GAS7: variants seen among roughly 807,000 people sequenced by gnomAD.
GAS7 encodes the protein growth arrest-specific protein 7.
GAS7 carries 28 observed loss-of-function variants against 71.1 expected under a neutral mutation model. The ratio of observed to expected loss-of-function variants is 0.39; its 90% CI spans 0.29 to 0.54. GAS7 has a LOEUF of 0.54. Ranked by LOEUF, GAS7 falls within the 20% of genes least tolerant of loss-of-function variation. The pLI is 0.62. For synonymous variants in GAS7, 258 were observed against 245.8 expected (o/e 1.05, Z -0.46); for missense variants, 436 against 627.8 (o/e 0.69, Z 3.27).
Position 9,971,522 on chromosome 17 carries a change from A to G in GAS7, c.386-1760T>C, listed in dbSNP as rs183306857. ...GGAGGCTGCAGTGAACTGTGATTGT[A>G]CCACTACACTCCAGCCCACACTTCA... On this transcript the variant is annotated intron_variant, in intron 3 of 13. Coordinates refer to ENST00000432992, the MANE Select transcript of GAS7 (RefSeq NM_201433.2). 1.2e-4 allele frequency among the ~76,000 whole-genome samples: 19 copies of G among 152,132 alleles called. No individual in the cohort carries two copies. The East Asian group carries it at 1.7e-3, about 14-fold the overall frequency.
intron 1 of GAS7, among the ~76,000 whole-genome samples, chr17:10,142,842 C>T (rs146523223): frequency 1.3e-5 from 2 of 152,228 alleles, no homozygotes; most frequent in African/African-American, 2.4e-5. Context: ...GGGGTTCAGA[C>T]ATCAGTAACA....
chr17:9,957,661 T>C (rs374350886), intron 5 of GAS7, among the ~76,000 whole-genome samples: 23 of 149,964 alleles, frequency 1.5e-4, no homozygotes, highest in African/African-American at 5.4e-4. Flanking sequence ...CTGGGGCATT[T>C]TGTGACAATT....
intron 9 of GAS7, among the ~76,000 whole-genome samples, chr17:9,928,018 TC>T (rs2068072514): frequency 6.6e-6 from 1 of 152,114 alleles, no homozygotes; most frequent in African/African-American, 2.4e-5. Context: ...TCTCTTTTAT[TC>T]CTTCCCTCTT....
intron 1 of GAS7, among the ~76,000 whole-genome samples, chr17:10,116,289 A>AG (rs1182158299): frequency 3.4e-5 from 5 of 149,124 alleles, no homozygotes; most frequent in Non-Finnish European, 5.9e-5. Context: ...ACTCCAGCCT[A>AG]GGGGACAGAG....
chr17:10,119,516 T>C (rs2073888723), intron 1 of GAS7, among the ~76,000 whole-genome samples: 1 of 152,224 alleles, frequency 6.6e-6, no homozygotes, highest in South Asian at 2.1e-4. Flanking sequence ...CTAAACAAGC[T>C]GGGGGATGCT....
intron 1 of GAS7, 75 bp downstream of exon 1, chr17:10,198,133 G>A: frequency 1.4e-6 from 2 of 1,440,928 alleles, no homozygotes; most frequent in South Asian, 1.2e-5. Context: ...CGGCATCCCC[G>A]GAACGGGCAA....
At position 10,191,298 on chromosome 17, in the gene GAS7, G is replaced by A. The variant is rs567298853; in HGVS notation, c.183+6910C>T. On this transcript the variant is annotated intron_variant, in intron 1 of 13. Transcript: ENST00000432992. ...AGAAGGCAGTGAAGAGGCTGGGCAC[G>A]GTGGCTCATGCCTGTAATCTCAGCA... Among the ~76,000 whole-genome samples the A allele has an allele frequency of 3.3e-4, 50 of 152,256 alleles. 2 individuals are homozygous for A. In the South Asian group the frequency reaches 8.9e-3, roughly 27 times the overall value.
At chr17:9,933,946 T>C (rs1218333015) in intron 9 of GAS7, among the ~76,000 whole-genome samples, 1 of 148,794 alleles carries the variant, frequency 6.7e-6, no homozygotes, top group Non-Finnish European at 1.5e-5. Context: ...TGGATATTGA[T>C]GGTTATTTGT....
At chr17:10,036,389 G>A in intron 1 of GAS7, 6 of 1,472,410 alleles carry the variant, frequency 4.1e-6, no homozygotes, top group Non-Finnish European at 5.7e-6. Flanking sequence ...GCAGAGAAAA[G>A]CAAACTGGAG....
chr17:9,946,504 G>C (rs79993553), intron 6 of GAS7, among the ~76,000 whole-genome samples: 2,537 of 152,278 alleles, frequency 0.017, 78 homozygotes, highest in African/African-American at 0.058. Flanking sequence ...ATTCTGATGA[G>C]AACACTGAGG....
At chr17:10,133,421 C>T (rs1165015737) in intron 1 of GAS7, among the ~76,000 whole-genome samples, 1 of 151,878 alleles carries the variant, frequency 6.6e-6, no homozygotes, top group Non-Finnish European at 1.5e-5. Flanking sequence ...CTGCGCCTCG[C>T]CAGATTTTAT....
In GAS7 at chr17:9,985,142, G is replaced by A. The variant is rs533153083; in HGVS notation, c.305-3258C>T. On this transcript the variant is annotated intron_variant, in intron 2 of 13. Transcript: ENST00000432992. ...GGGCCTGGAGATGCCCCTCCATCAC[G>A]TTCCTCTTGTCTTCTCCATGTCACT... Among the ~76,000 whole-genome samples the A allele has an allele frequency of 7.9e-5, 12 of 152,110 alleles. No homozygotes were observed. The South Asian group carries it at 1.0e-3, about 13-fold the overall frequency.
At chr17:10,179,570 G>A (rs2074399055) in intron 1 of GAS7, among the ~76,000 whole-genome samples, 1 of 152,156 alleles carries the variant, frequency 6.6e-6, no homozygotes, top group African/African-American at 2.4e-5. Flanking sequence ...GATAGGAGGA[G>A]ACTGAGACTA....
intron 3 of GAS7, among the ~76,000 whole-genome samples, chr17:9,980,393 T>C (rs896410733): frequency 6.6e-6 from 1 of 152,224 alleles, no homozygotes; most frequent in African/African-American, 2.4e-5. Flanking sequence ...GTGATTACCT[T>C]TGGTCCTTCC....
intron 1 of GAS7, among the ~76,000 whole-genome samples, chr17:10,023,897 G>A (rs1257284392): frequency 6.6e-6 from 1 of 152,220 alleles, no homozygotes; most frequent in Admixed American, 6.5e-5. Context: ...GCCAAGGTGG[G>A]TGGATTACCT....
At chr17:10,124,701 C>T (rs928798611) in intron 1 of GAS7, among the ~76,000 whole-genome samples, 4 of 152,080 alleles carry the variant, frequency 2.6e-5, no homozygotes, top group Non-Finnish European at 5.9e-5. Flanking sequence ...TGTGGATCAC[C>T]TAAGGTCGGA....
At chr17:10,141,402 C>T (rs543075070) in intron 1 of GAS7, among the ~76,000 whole-genome samples, 148 of 151,884 alleles carry the variant, frequency 9.7e-4, no homozygotes, top group African/African-American at 3.4e-3. Context: ...GAGGCAAGAT[C>T]GCACCGGTGC....
At chr17:10,090,036 G>A (rs2073564794) in intron 1 of GAS7, among the ~76,000 whole-genome samples, 1 of 152,120 alleles carries the variant, frequency 6.6e-6, no homozygotes, top group Non-Finnish European at 1.5e-5. Context: ...AGGCATGGTG[G>A]CGAGTGCCTG....
intron 1 of GAS7, among the ~76,000 whole-genome samples, chr17:10,091,437 G>C (rs1029214984): frequency 6.6e-6 from 1 of 152,126 alleles, no homozygotes; most frequent in Non-Finnish European, 1.5e-5. Context: ...CCCCAGGCTA[G>C]AGCACGGTGG....
Sources: allele counts gnomAD v4.1 joint callset (sites outside exome capture counted in the v4.1 genomes callset), GRCh38; gene constraint gnomAD v4.1.1; transcripts MANE v1.5; gene names NCBI Gene and HGNC (gene_info 2026-07-23, HGNC 2026-07-21).